Variants in CNTN1 observed in about 807,000 individuals in gnomAD.
CNTN1 encodes the protein contactin-1.
Under a neutral mutation model 126.4 loss-of-function variants are expected in CNTN1, and 38 were observed. The observed-to-expected ratio is 0.30, with a 90% confidence interval of 0.23 to 0.39. The LOEUF (loss-of-function observed/expected upper bound fraction) is 0.39. CNTN1 is among the 10% of genes least tolerant of loss of function. The pLI is 1.00. For missense variants in CNTN1, 1,009 were observed against 1,248.4 expected, an observed-to-expected ratio of 0.81 and a Z score of 2.89; for synonymous variants, 413 against 422.6, an observed-to-expected ratio of 0.98 and a Z score of 0.28.
intron 6 of CNTN1, among the ~76,000 whole-genome samples, chr12:40,925,508 T>C (rs754191094): frequency 1.9e-4 from 28 of 146,868 alleles, no homozygotes; most frequent in Non-Finnish European, 3.3e-4. Flanking sequence ...CACAAAATTA[T>C]GTTATATATT....
intron 23 of CNTN1, among the ~76,000 whole-genome samples, chr12:41,049,387 T>C (rs528747694): frequency 2.4e-4 from 36 of 152,352 alleles, no homozygotes; most frequent in African/African-American, 7.5e-4. Flanking sequence ...TGTTTGCTTT[T>C]TCTGCAGTTT....
At chr12:40,753,367 T>A (rs1180721858) in intron 1 of CNTN1, among the ~76,000 whole-genome samples, 1 of 152,130 alleles carries the variant, frequency 6.6e-6, no homozygotes, top group Admixed American at 6.6e-5. Context: ...TATCTTATCA[T>A]TATTTTTATT....
intron 17 of CNTN1, among the ~76,000 whole-genome samples, chr12:41,000,910 T>G (rs149339226): frequency 1.5e-3 from 224 of 152,310 alleles, no homozygotes; most frequent in African/African-American, 5.1e-3. Context: ...TGCACTAATT[T>G]GCTAAGGATA....
intron 17 of CNTN1, among the ~76,000 whole-genome samples, chr12:41,012,559 A>C (rs1435837037): frequency 6.6e-6 from 1 of 152,176 alleles, no homozygotes; most frequent in African/African-American, 2.4e-5. Flanking sequence ...AGAAATCCTC[A>C]GTTGCTCCAG....
At chr12:40,918,090 C>T (rs112407065) in intron 3 of CNTN1, among the ~76,000 whole-genome samples, 11 of 152,240 alleles carry the variant, frequency 7.2e-5, no homozygotes, top group African/African-American at 2.6e-4. Context: ...ATGATGTACA[C>T]AGATGAAAGA....
chr12:41,051,178 T>G (rs1367730139), intron 23 of CNTN1, among the ~76,000 whole-genome samples: 1 of 149,210 alleles, frequency 6.7e-6, no homozygotes. Context: ...GACGGAGTCT[T>G]GCTCTGTCAC....
intron 12 of CNTN1, 105 bp downstream of exon 12, chr12:40,939,590 T>G: frequency 4.9e-6 from 4 of 824,428 alleles, no homozygotes; most frequent in South Asian, 3.8e-5. Flanking sequence ...TTGCTCTGAA[T>G]TTTTTTTTTC....
chr12:40,728,631 A>G (rs1350793705), intron 1 of CNTN1, among the ~76,000 whole-genome samples: 1 of 152,218 alleles, frequency 6.6e-6, no homozygotes, highest in Non-Finnish European at 1.5e-5. Flanking sequence ...ATGTTTACCA[A>G]ATCAAACCAT....
chr12:40,734,698 A>G (rs996329384), intron 1 of CNTN1, among the ~76,000 whole-genome samples: 5 of 152,136 alleles, frequency 3.3e-5, no homozygotes, highest in African/African-American at 1.2e-4. Flanking sequence ...ACTATCACAT[A>G]TTCTATTATC....
chr12:40,710,534 C>T (rs1328011033), intron 1 of CNTN1, among the ~76,000 whole-genome samples: 2 of 152,092 alleles, frequency 1.3e-5, no homozygotes, highest in South Asian at 2.1e-4. Context: ...ACTTGACACA[C>T]GGTTGCCACA....
chr12:40,888,161 T>A (rs1944113958), intron 1 of CNTN1, among the ~76,000 whole-genome samples: 1 of 151,696 alleles, frequency 6.6e-6, no homozygotes, highest in South Asian at 2.1e-4. Context: ...ACTTAAAGTA[T>A]AATAATAATA....
Position 41,020,375 on chromosome 12 carries a change from T to G in CNTN1, c.2458T>G (p.Leu820Val). 1 of 1,612,924 alleles carries G rather than the reference T, an allele frequency of 6.2e-7. No individual in the cohort carries two copies. Among genetic ancestry groups the G allele is most frequent in the Non-Finnish European group, 8.5e-7 (1 of 1,179,338 alleles). Reference protein sequence around the residue: ...EAPTEVGVKVLSSSEISVHWE... With the variant: ...EAPTEVGVKVVSSSEISVHWE... ...CCCAACAGAAGTAGGTGTAAAAGTC[T>G]TATCATCTTCTGAGATATCTGTTCA... is the stretch of plus-strand genomic sequence containing the variant. The change falls in exon 20 of 24, where the codon TTA becomes GTA. Residue 820 changes from leucine (L) to valine (V), a missense_variant. Transcript: ENST00000551295.
At chr12:40,979,925 C>T (rs1947775236) in intron 15 of CNTN1, among the ~76,000 whole-genome samples, 1 of 152,082 alleles carries the variant, frequency 6.6e-6, no homozygotes, top group African/African-American at 2.4e-5. Context: ...TCTTCTAAGA[C>T]TCTTCAATAT....
chr12:40,990,866 T>C (rs1198271678), intron 16 of CNTN1, among the ~76,000 whole-genome samples: 2 of 152,124 alleles, frequency 1.3e-5, no homozygotes, highest in African/African-American at 4.8e-5. Context: ...CTTAAAACCC[T>C]TAAATTGTGC....
intron 1 of CNTN1, among the ~76,000 whole-genome samples, chr12:40,726,205 T>G (rs1942347562): frequency 6.6e-6 from 1 of 152,120 alleles, no homozygotes; most frequent in African/African-American, 2.4e-5. Flanking sequence ...AACACAAATA[T>G]TAAAATATTT....
intron 1 of CNTN1, among the ~76,000 whole-genome samples, chr12:40,902,686 C>A (rs79308179): frequency 6.6e-6 from 1 of 151,942 alleles, no homozygotes; most frequent in Non-Finnish European, 1.5e-5. Flanking sequence ...ATCATCAGTG[C>A]GATGAAAAGC....
chr12:40,888,876 A>T (rs868416545), intron 1 of CNTN1, among the ~76,000 whole-genome samples: 4 of 152,232 alleles, frequency 2.6e-5, no homozygotes, highest in African/African-American at 9.6e-5. Flanking sequence ...CTGATTTAGC[A>T]TCTAGGAGAC....
At chr12:40,949,387 A>C (rs1041951228) in intron 14 of CNTN1, among the ~76,000 whole-genome samples, 5 of 150,378 alleles carry the variant, frequency 3.3e-5, no homozygotes, top group South Asian at 2.1e-4. Context: ...CTCGTCATCT[A>C]GCATTAGGTA....
intron 1 of CNTN1, among the ~76,000 whole-genome samples, chr12:40,891,175 T>C (rs1324270739): frequency 3.3e-5 from 5 of 152,332 alleles, no homozygotes; most frequent in African/African-American, 1.2e-4. Flanking sequence ...TTTGGTGAGA[T>C]GTCTCTTCAG....
Sources: gnomAD v4.1 joint callset for allele counts (sites outside exome capture counted in the v4.1 genomes callset) on GRCh38, gnomAD v4.1.1 for gene constraint, MANE v1.5 for transcripts, NCBI Gene and HGNC (gene_info 2026-07-23, HGNC 2026-07-21) for gene names.